The following FRMD4A variants were observed in gnomAD, a reference collection of about 807,000 sequenced individuals.
FRMD4A encodes the protein FERM domain-containing protein 4A.
A neutral mutation model predicts 129.1 loss-of-function variants in FRMD4A; 29 were observed. The observed-to-expected ratio is 0.22, with a 90% CI of 0.17 to 0.31. The LOEUF (loss-of-function observed/expected upper bound fraction) is 0.31. Among genes scored for constraint, FRMD4A ranks in the 10% least tolerant of loss-of-function variants. FRMD4A has a pLI of 1.00. For synonymous variants in FRMD4A, 634 were observed against 571.6 expected (o/e 1.11, Z -1.56); for missense variants, 1,272 against 1,375.8 (o/e 0.92, Z 1.19).
At chr10:14,225,459 TTTGCA>T (rs1843403779) in intron 2 of FRMD4A, among the ~76,000 whole-genome samples, 1 of 152,212 alleles carries the variant, frequency 6.6e-6, no homozygotes, top group South Asian at 2.1e-4. Flanking sequence ...CGTGCCTTCA[TTTGCA>T]TGAAGTGGGT....
intron 2 of FRMD4A, among the ~76,000 whole-genome samples, chr10:13,924,602 C>T (rs1487785775): frequency 6.6e-6 from 1 of 152,126 alleles, no homozygotes; most frequent in African/African-American, 2.4e-5. Flanking sequence ...CTCCATCCTC[C>T]TAGACTATTT....
intron 2 of FRMD4A, among the ~76,000 whole-genome samples, chr10:14,248,629 A>G (rs1179436356): frequency 1.5e-5 from 2 of 137,796 alleles, no homozygotes; most frequent in Non-Finnish European, 3.2e-5. Flanking sequence ...ATTGGTGTAT[A>G]TCAAGGAGTT....
At position 14,330,663 on chromosome 10, in the gene FRMD4A, T is replaced by G; in HGVS notation, c.-148A>C. ...GTGTCCCTTTTTGCAAAATCAGATA[T>G]CTGGGAGTGAGACAGCCGAGTCTGA... On this transcript the variant is annotated 5_prime_UTR_variant, in exon 1 of 25. Transcript: ENST00000357447. 2.5e-6 allele frequency: 1 copy of G among 397,984 alleles called. No individual in the cohort carries two copies. Among genetic ancestry groups the G allele is most frequent in the Admixed American group, 4.4e-5 (1 of 22,822 alleles). The allele number at this position is 397,984 out of a possible 1,614,324, so 24.7% of individuals were successfully genotyped here. A position where few individuals can be genotyped will look rare whatever the true frequency, so the allele number is the denominator to read the frequency against.
At chr10:13,688,049 CTA>C (rs2085264330) in intron 15 of FRMD4A, among the ~76,000 whole-genome samples, 1 of 152,136 alleles carries the variant, frequency 6.6e-6, no homozygotes, top group South Asian at 2.1e-4. Flanking sequence ...ATCACTTTAA[CTA>C]CGCTGAAATC....
chr10:13,994,759 T>C (rs2095616543), intron 2 of FRMD4A, among the ~76,000 whole-genome samples: 1 of 152,234 alleles, frequency 6.6e-6, no homozygotes, highest in Non-Finnish European at 1.5e-5. Context: ...CATTTTCTTT[T>C]GTAAAGTTAG....
intron 2 of FRMD4A, among the ~76,000 whole-genome samples, chr10:14,002,828 T>G: frequency 6.6e-6 from 1 of 150,638 alleles, no homozygotes; most frequent in East Asian, 1.9e-4. Flanking sequence ...GTAAAGGGGG[T>G]GGAGGGAGGA....
chr10:13,704,098 G>A (rs762061461), intron 13 of FRMD4A, among the ~76,000 whole-genome samples: 2 of 152,158 alleles, frequency 1.3e-5, no homozygotes, highest in Non-Finnish European at 2.9e-5. Flanking sequence ...TGCATGTAAC[G>A]CACTCACACG....
At chr10:13,673,479 G>A (rs193222509) in intron 16 of FRMD4A, among the ~76,000 whole-genome samples, 7 of 152,086 alleles carry the variant, frequency 4.6e-5, no homozygotes, top group African/African-American at 1.2e-4. Flanking sequence ...ACTGTTTACC[G>A]GCGAAGCTCT....
In FRMD4A at chr10:13,701,413, G is replaced by A; in HGVS notation, c.902C>T (p.Pro301Leu). 6.2e-7 allele frequency: 1 copy of A among 1,613,594 alleles called. No individual in the cohort carries two copies. Among genetic ancestry groups the A allele is most frequent in the Non-Finnish European group, 8.5e-7 (1 of 1,179,554 alleles). ...AGCCCAGATGGACTTGATCAATGCC[G>A]GACATGCATACCACGTGTGCACTGC... ...GIAVHTWYAC[P>L]ALIKSIWAMA... The change falls in exon 14 of 25, where the codon CCG becomes CTG. Residue 301 changes from proline to leucine, a missense_variant. By Grantham distance (98) the Pro-to-Leu change is moderately conservative. Around this residue, in one of 2 missense-constraint regions of FRMD4A, gnomAD observed 300 missense variants for 483.6 expected, o/e 0.62. Coordinates refer to ENST00000357447, the MANE Select transcript of FRMD4A (RefSeq NM_018027.5).
At chr10:14,244,845 G>A (rs1239050188) in intron 2 of FRMD4A, among the ~76,000 whole-genome samples, 4 of 152,176 alleles carry the variant, frequency 2.6e-5, no homozygotes. Flanking sequence ...TTAATGTTCA[G>A]GCTTACTTTG....
chr10:13,783,194 T>G (rs758128092), intron 5 of FRMD4A, among the ~76,000 whole-genome samples, 188 bp from the exon 6 acceptor site: 1 of 152,248 alleles, frequency 6.6e-6, no homozygotes, highest in African/African-American at 2.4e-5. Context: ...GTTTTGATAG[T>G]GGCTTAGGGT....
At chr10:14,185,553 A>AACG (rs1842079618) in intron 2 of FRMD4A, among the ~76,000 whole-genome samples, 3 of 152,338 alleles carry the variant, frequency 2.0e-5, no homozygotes, top group African/African-American at 7.2e-5. Flanking sequence ...AACATAAAGC[A>AACG]AGACTATTTA....
At chr10:13,692,552 CCTGTCCAAGGAGGGGCCTT>C in intron 15 of FRMD4A, 2 of 152,372 alleles carry the variant, frequency 1.3e-5, no homozygotes, top group African/African-American at 4.8e-5. Context: ...AGGGCCTCAG[CCTGTCCAAGGAGGGGCCTT>C]CAACTTAACG....
chr10:13,770,373 G>A (rs902497793), intron 6 of FRMD4A, among the ~76,000 whole-genome samples: 6 of 152,070 alleles, frequency 3.9e-5, no homozygotes, highest in Admixed American at 1.3e-4. Context: ...CCACCCCACC[G>A]CAGACAGCCC....
chr10:14,230,053 C>T (rs1161694102), intron 2 of FRMD4A, among the ~76,000 whole-genome samples: 1 of 152,214 alleles, frequency 6.6e-6, no homozygotes, highest in Non-Finnish European at 1.5e-5. Flanking sequence ...AGCTCAACTG[C>T]ACAGGGAGCT....
chr10:14,181,690 C>T (rs76553241), intron 2 of FRMD4A, among the ~76,000 whole-genome samples: 136 of 152,134 alleles, frequency 8.9e-4, no homozygotes, highest in African/African-American at 3.1e-3. Flanking sequence ...GAAATGATTA[C>T]CATGAATTTT....
intron 15 of FRMD4A, chr10:13,693,034 ATTTTTTT>A (rs71503094): frequency 3.1e-5 from 1 of 31,980 alleles, no homozygotes; most frequent in African/African-American, 5.1e-5. Context: ...TGGCTAATTA[ATTTTTTT>A]TTTTTTTTTT....
intron 2 of FRMD4A, among the ~76,000 whole-genome samples, chr10:14,049,340 C>T (rs990841196): frequency 1.3e-5 from 2 of 152,104 alleles, no homozygotes; most frequent in African/African-American, 4.8e-5. Context: ...GAATTTCGCA[C>T]TAGGTGGGGT....
At chr10:14,101,888 A>C (rs535981434) in intron 2 of FRMD4A, among the ~76,000 whole-genome samples, 3 of 152,322 alleles carry the variant, frequency 2.0e-5, no homozygotes, top group Non-Finnish European at 4.4e-5. Context: ...TCTCAGGAGC[A>C]TCTTGTCTAA....
Sources: gnomAD v4.1 joint callset for allele counts (sites outside exome capture counted in the v4.1 genomes callset) on GRCh38, gnomAD v4.1.1 for gene constraint, gnomAD v4.1.1 regional missense constraint, MANE v1.5 for transcripts, NCBI Gene and HGNC (gene_info 2026-07-23, HGNC 2026-07-21) for gene names.